The following APLP2 variants were observed in gnomAD, a reference collection of about 807,000 sequenced individuals.
APLP2 encodes CDEI box-binding protein.
In APLP2, 53 loss-of-function variants were observed where a neutral mutation model predicts 89.9. The observed-to-expected ratio is 0.59, with a 90% confidence interval of 0.47 to 0.74. The LOEUF (loss-of-function observed/expected upper bound fraction) is 0.74, where lower values mean the gene tolerates loss of function less well. APLP2 is among the 30% of genes least tolerant of loss of function. APLP2 has a pLI of 0.00. For synonymous variants in APLP2, 372 were observed against 348.6 expected (o/e 1.07, Z -0.75); for missense variants, 973 against 975.9 (o/e 1.00, Z 0.04).
chr11:130,140,543 G>T (rs2136147213), intron 14 of APLP2, 60 bp downstream of exon 14: 1 of 1,407,752 alleles, frequency 7.1e-7, no homozygotes, highest in South Asian at 1.3e-5. Flanking sequence ...TAGAGCGAGT[G>T]ACCTGATGTC....
At chr11:130,110,481 C>T (rs1168502765) in intron 2 of APLP2, 57 bp from the exon 3 acceptor site, 3 of 1,593,920 alleles carry the variant, frequency 1.9e-6, no homozygotes, top group African/African-American at 2.7e-5. Context: ...TCCTTACTTG[C>T]AAGTGTGTGT....
chr11:130,096,559 C>T (rs1946236113), intron 1 of APLP2, among the ~76,000 whole-genome samples: 1 of 152,072 alleles, frequency 6.6e-6, no homozygotes, highest in African/African-American at 2.4e-5. Flanking sequence ...CTCTGCAAAA[C>T]ATTTAAAAAT....
At chr11:130,132,812 C>T (rs1951079406) in intron 11 of APLP2, among the ~76,000 whole-genome samples, 2 of 152,176 alleles carry the variant, frequency 1.3e-5, no homozygotes, top group South Asian at 4.1e-4. Flanking sequence ...GCAATTGCTT[C>T]ACTAAGCAAA....
intron 1 of APLP2, among the ~76,000 whole-genome samples, chr11:130,085,884 T>C (rs1027558190): frequency 1.3e-5 from 2 of 152,172 alleles, no homozygotes; most frequent in African/African-American, 4.8e-5. Flanking sequence ...ATTCCATTCC[T>C]TTTCGAGACT....
At chr11:130,137,897 A>G (rs1195894197) in intron 13 of APLP2, among the ~76,000 whole-genome samples, 1 of 152,216 alleles carries the variant, frequency 6.6e-6, no homozygotes, top group Non-Finnish European at 1.5e-5. Context: ...CACTATGTGG[A>G]ATGCTTTGCA....
intron 1 of APLP2, among the ~76,000 whole-genome samples, chr11:130,086,557 G>A (rs566975135): frequency 4.8e-4 from 73 of 152,152 alleles, no homozygotes; most frequent in Non-Finnish European, 7.8e-4. Flanking sequence ...TTTGTTGCCT[G>A]TAGTTTTGGT....
rs146119539 is a variant in APLP2, at chr11:130,120,610, C to G, written c.404-96C>G. 3.5e-6 allele frequency: 3 copies of G among 848,970 alleles called. No individual in the cohort carries two copies. In the African/African-American group the frequency reaches 5.0e-5, roughly 14 times the overall value. 52.6% of individuals were successfully genotyped at this position (848,970 alleles called of 1,614,324 possible). On this transcript the variant is annotated intron_variant, in intron 3 of 16. Transcript: ENST00000338167. ...ATCTGCTCGTATACATGAGACTGCT[C>G]CTGGCTGTGTAGACTATCATCATAA...
At chr11:130,074,408 G>T (rs1240721788) in intron 1 of APLP2, among the ~76,000 whole-genome samples, 3 of 152,072 alleles carry the variant, frequency 2.0e-5, no homozygotes, top group Admixed American at 6.6e-5. Flanking sequence ...TAGAGACAGG[G>T]TTTCACCATA....
chr11:130,144,396 A>G lies in APLP2; in HGVS notation c.*948A>G, dbSNP rs1396080104. On this transcript the variant is annotated 3_prime_UTR_variant, in exon 17 of 17. Transcript: ENST00000338167. ...TTGTGACATTCACTCAGAGAAGACC[A>G]CACCAAGGAGGCGGCCGCTGGCCCA... 1.3e-5 allele frequency: 2 copies of G among 152,262 alleles called. No individual in the cohort carries two copies. The highest frequency in any genetic ancestry group is 2.9e-5 in the Non-Finnish European group (2 of 68,110). 9.4% of individuals were successfully genotyped at this position (152,262 alleles called of 1,614,324 possible). A position where few individuals can be genotyped will look rare whatever the true frequency, so the allele number is the denominator to read the frequency against.
chr11:130,077,767 A>G (rs975835867), intron 1 of APLP2, among the ~76,000 whole-genome samples: 2 of 152,224 alleles, frequency 1.3e-5, no homozygotes, highest in African/African-American at 4.8e-5. Context: ...GTTGTAACAC[A>G]TATTTATCAA....
At chr11:130,129,273 A>G in intron 10 of APLP2, 67 bp downstream of exon 10, 2 of 1,499,462 alleles carry the variant, frequency 1.3e-6, no homozygotes. Context: ...TATGACACTC[A>G]GGTCAGTAAA....
chr11:130,115,175 C>T (rs569733118), intron 3 of APLP2, among the ~76,000 whole-genome samples: 103 of 151,738 alleles, frequency 6.8e-4, no homozygotes, highest in Non-Finnish European at 1.5e-3. Context: ...CCTGTTTGCA[C>T]CTGGAGTGTA....
chr11:130,071,009 A>C (rs1336609792), intron 1 of APLP2, among the ~76,000 whole-genome samples: 1 of 152,220 alleles, frequency 6.6e-6, no homozygotes, highest in Non-Finnish European at 1.5e-5. Flanking sequence ...GCTGTGGCCG[A>C]GGGAGACGGC....
At chr11:130,111,374 C>G (rs947988713) in intron 3 of APLP2, among the ~76,000 whole-genome samples, 3 of 148,990 alleles carry the variant, frequency 2.0e-5, no homozygotes, top group Non-Finnish European at 4.4e-5. Flanking sequence ...GTCACAGAAA[C>G]TTCAAAGGGC....
At chr11:130,133,894 G>T (rs1951221776) in intron 12 of APLP2, among the ~76,000 whole-genome samples, 166 bp downstream of exon 12, 1 of 152,224 alleles carries the variant, frequency 6.6e-6, no homozygotes, top group South Asian at 2.1e-4. Context: ...TTCATGGCAA[G>T]GTGAAGGAGG....
chr11:130,083,975 G>A (rs999257452), intron 1 of APLP2, among the ~76,000 whole-genome samples: 4 of 152,120 alleles, frequency 2.6e-5, no homozygotes. Flanking sequence ...GGCCGGGCGC[G>A]GTGCCTCACG....
Position 130,123,964 on chromosome 11 carries a change from C to T in APLP2, c.1090+185C>T, listed in dbSNP as rs989847502. 1.3e-5 allele frequency among the ~76,000 whole-genome samples: 2 copies of T among 152,168 alleles called. No individual in the cohort carries two copies. The highest frequency in any genetic ancestry group is 4.8e-5 in the African/African-American group (2 of 41,446). ...TTGCTCTCCTGCCGGCAGTGGTAAG[C>T]TCAGTTCTCGTGTCCTGTGCTCACC... is the stretch of plus-strand genomic sequence containing the variant. On this transcript the variant is annotated intron_variant, in intron 7 of 16. Coordinates refer to ENST00000338167, the MANE Select transcript of APLP2 (RefSeq NM_001142276.2). This position sits in a 1 kb window ranked among gnomAD's most constrained non-coding sequence, Gnocchi z 4.0.
chr11:130,091,702 G>A (rs1374071899), intron 1 of APLP2, among the ~76,000 whole-genome samples: 26 of 136,930 alleles, frequency 1.9e-4, no homozygotes, highest in African/African-American at 5.0e-4. Context: ...CGGACGGGGC[G>A]GCTGGCCGGG....
In APLP2 at chr11:130,121,661, C is replaced by G; in HGVS notation, c.564C>G (p.Leu188=). The G allele has an allele frequency of 1.9e-6, 3 of 1,614,020 alleles. No individual in the cohort carries two copies. Among genetic ancestry groups the G allele is most frequent in the South Asian group, 1.1e-5 (1 of 91,072 alleles). The change falls in exon 5 of 17, where the codon CTC becomes CTG. Residue 188 remains leucine (L), a synonymous_variant. Coordinates refer to ENST00000338167, the MANE Select transcript of APLP2 (RefSeq NM_001142276.2). The part of the protein sequence containing the change: ...GMTLYSYGML[L]PCGVDQFHGT... ...CCTTATATAGCTACGGCATGCTGCT[C>G]CCATGTGGGGTAGACCAGTTCCATG...
Sources: allele counts gnomAD v4.1 joint callset (sites outside exome capture counted in the v4.1 genomes callset), GRCh38; gene constraint gnomAD v4.1.1; non-coding constraint Gnocchi (gnomAD v3.1); transcripts MANE v1.5; gene names NCBI Gene and HGNC (gene_info 2026-07-23, HGNC 2026-07-21).